Variants in ECPAS observed in about 807,000 individuals in gnomAD.
The protein encoded by ECPAS is Ecm29 proteasome adaptor and scaffold, also known as proteasome adapter and scaffold protein ECM29.
A neutral mutation model predicts 255.1 loss-of-function variants in ECPAS; 70 were observed. That is an observed-to-expected ratio of 0.27 (90% CI 0.23 to 0.33). The LOEUF is 0.33. Ranked by LOEUF, ECPAS falls within the 10% of genes least tolerant of loss-of-function variation. The pLI, the probability that ECPAS is intolerant of heterozygous loss-of-function variation, is 1.00. For synonymous variants in ECPAS, 784 were observed against 775.0 expected (o/e 1.01, Z -0.19); for missense variants, 1,817 against 2,206.4 (o/e 0.82, Z 3.54).
intron 32 of ECPAS, among the ~76,000 whole-genome samples, 160 bp downstream of exon 32, chr9:111,386,217 G>T (rs2098148267): frequency 6.6e-6 from 1 of 152,190 alleles, no homozygotes; most frequent in Non-Finnish European, 1.5e-5. Flanking sequence ...ACCCACCTCA[G>T]CCTCCCCATG....
chr9:111,479,108 TTCTC>T (rs140884302), intron 1 of ECPAS, among the ~76,000 whole-genome samples: 2,095 of 152,290 alleles, frequency 0.014, 13 homozygotes, highest in Non-Finnish European at 0.021. Flanking sequence ...AGAAGCCTGT[TTCTC>T]TCTCCATAAA....
chr9:111,386,442 C>A lies in ECPAS; in HGVS notation c.3462G>T (p.Leu1154Phe). 5.7e-6 allele frequency: 9 copies of A among 1,585,756 alleles called. No homozygotes were observed. Among genetic ancestry groups the A allele is most frequent in the Non-Finnish European group, 7.8e-6 (9 of 1,158,274 alleles). Residue 1154 changes from leucine (L) to phenylalanine (F), a missense_variant, in exon 32 of 50, where the codon TTG becomes TTT. Around this residue, in one of 4 missense-constraint regions of ECPAS, gnomAD observed 960 missense variants for 1,179.0 expected, o/e 0.81. Coordinates refer to ENST00000684092, the MANE Select transcript of ECPAS (RefSeq NM_001364929.1). ...TAACCAAATCTTGAAGAATTTCTTT[C>A]AAATATTTATCCACCTAATGAAAGC... The part of the protein sequence containing the change: ...VTDKSMVDKY[L>F]KEILQDLVKN...
chr9:111,391,924 G>T (rs2098160751), intron 28 of ECPAS, 100 bp from the exon 29 acceptor site: 1 of 835,870 alleles, frequency 1.2e-6, no homozygotes, highest in South Asian at 1.5e-5. Flanking sequence ...TTCCTATCAA[G>T]CATTTACTGT....
chr9:111,434,030 C>A (rs1242714202), intron 7 of ECPAS, among the ~76,000 whole-genome samples: 1 of 152,134 alleles, frequency 6.6e-6, no homozygotes, highest in African/African-American at 2.4e-5. Context: ...AATTTCACTA[C>A]AAATGACTCT....
intron 32 of ECPAS, among the ~76,000 whole-genome samples, 174 bp downstream of exon 32, chr9:111,386,203 A>T (rs959772283): frequency 3.9e-5 from 6 of 152,164 alleles, no homozygotes; most frequent in Non-Finnish European, 7.4e-5. Flanking sequence ...ACCTCAGGTG[A>T]TCCACCCACC....
chr9:111,452,108 A>C (rs2098261018), intron 2 of ECPAS, among the ~76,000 whole-genome samples: 1 of 152,176 alleles, frequency 6.6e-6, no homozygotes, highest in African/African-American at 2.4e-5. Flanking sequence ...GACTGTGATA[A>C]ACTTTAGACA....
chr9:111,447,485 T>C (rs894119664), intron 3 of ECPAS, among the ~76,000 whole-genome samples: 1 of 152,184 alleles, frequency 6.6e-6, no homozygotes, highest in Non-Finnish European at 1.5e-5. Flanking sequence ...TATCGGCGAA[T>C]TTCCTAAATA....
intron 48 of ECPAS, among the ~76,000 whole-genome samples, chr9:111,364,187 C>T (rs116484415): frequency 2.4e-4 from 37 of 152,200 alleles, no homozygotes; most frequent in African/African-American, 8.4e-4. Flanking sequence ...TTTGACACGG[C>T]GTCTGGTTCA....
rs544749597 is a variant in ECPAS at position 111,426,620 on chromosome 9, C to T, written c.1051-792G>A. 1.7e-3 allele frequency among the ~76,000 whole-genome samples: 258 copies of T among 151,040 alleles called. 1 individual carries two copies. Among genetic ancestry groups the T allele is most frequent in the Non-Finnish European group, 2.9e-3 (195 of 67,898 alleles). Reference sequence around the variant, plus strand: ...CCTACAGTCCCAGCTACTAGGGAGGCTAGGACGGGAGGATCACTTGAGCCC... The same window carrying T: ...CCTACAGTCCCAGCTACTAGGGAGGTTAGGACGGGAGGATCACTTGAGCCC... On this transcript the variant is annotated intron_variant, in intron 10 of 49. Transcript: ENST00000684092.
chr9:111,455,885 T>A (rs2098266352), intron 2 of ECPAS, among the ~76,000 whole-genome samples: 1 of 152,212 alleles, frequency 6.6e-6, no homozygotes, highest in South Asian at 2.1e-4. Context: ...CTTTTCCCTT[T>A]GGTGACCTTG....
rs745726803 is a variant in ECPAS at position 111,414,478 on chromosome 9, A to G, written c.1938T>C (p.Pro646=). 2 of 1,613,926 alleles carry G rather than the reference A, an allele frequency of 1.2e-6. No individual in the cohort carries two copies. Among genetic ancestry groups the G allele is most frequent in the Non-Finnish European group, 8.5e-7 (1 of 1,179,834 alleles). The change falls in exon 19 of 50, where the codon CCT becomes CCC. Residue 646 remains proline, a synonymous_variant. Coordinates refer to ENST00000684092, the MANE Select transcript of ECPAS (RefSeq NM_001364929.1). ...GAAGCAGGCCAATGTAGATCTGGACAGGGTTAGTCTCCCCACTCTTGTTAG... is the reference window on the plus strand; with the variant it reads ...GAAGCAGGCCAATGTAGATCTGGACGGGGTTAGTCTCCCCACTCTTGTTAG... ...SSSNKSGETN[P]VQIYIGLLQQ...
chr9:111,390,272 A>C (rs1254651655), intron 29 of ECPAS, among the ~76,000 whole-genome samples, 171 bp from the exon 30 acceptor site: 1 of 152,208 alleles, frequency 6.6e-6, no homozygotes, highest in Non-Finnish European at 1.5e-5. Context: ...ATAAAAAGTC[A>C]CCTAATTCAA....
At chr9:111,411,232 C>T (rs1384999755) in intron 21 of ECPAS, 90 bp from the exon 22 acceptor site, 6 of 1,296,642 alleles carry the variant, frequency 4.6e-6, no homozygotes, top group Non-Finnish European at 6.5e-6. Context: ...TTAGGATCAT[C>T]TCTCCAACAA....
chr9:111,416,350 A>G lies in ECPAS; in HGVS notation c.1686T>C (p.Ala562=). The G allele has an allele frequency of 6.2e-7, 1 of 1,613,084 alleles. No homozygotes were observed. The highest frequency in any genetic ancestry group is 2.2e-5 in the East Asian group (1 of 44,858). The change falls in exon 18 of 50, where the codon GCT becomes GCC. Residue 562 remains alanine, a splice_region_variant and synonymous_variant. Transcript: ENST00000684092. ...TGACTGGAGTTTTCATTCGATGAGA[A>G]GCCTAAGTTTAAAAAGTCCAAAACA... ...PEMVYYIQEK[A]SHRMKTPVKY...
At chr9:111,457,844 A>G (rs192480029) in intron 2 of ECPAS, among the ~76,000 whole-genome samples, 213 of 152,092 alleles carry the variant, frequency 1.4e-3, no homozygotes, top group African/African-American at 5.0e-3. Flanking sequence ...CCCTACCCCT[A>G]TAGCATTTAT....
At chr9:111,401,236 T>A (rs562691143) in intron 24 of ECPAS, among the ~76,000 whole-genome samples, 1 of 152,216 alleles carries the variant, frequency 6.6e-6, no homozygotes, top group African/African-American at 2.4e-5. Context: ...TTTTCTATTT[T>A]CCCTAAGTGT....
intron 6 of ECPAS, among the ~76,000 whole-genome samples, chr9:111,438,368 ATAAT>A (rs2098241063): frequency 6.6e-6 from 1 of 152,162 alleles, no homozygotes; most frequent in Non-Finnish European, 1.5e-5. Flanking sequence ...GCTCAGGCCT[ATAAT>A]CCCAGCATTT....
intron 39 of ECPAS, 108 bp downstream of exon 39, chr9:111,373,864 A>G (rs1475838998): frequency 3.8e-6 from 3 of 791,344 alleles, no homozygotes; most frequent in Non-Finnish European, 6.5e-6. Context: ...GAAAAGGCAC[A>G]CAGCATCACA....
Position 111,484,136 on chromosome 9 carries a change from A to T in ECPAS, c.-103T>A. On this transcript the variant is annotated 5_prime_UTR_variant, in exon 1 of 50. The change abolishes an upstream ATG in the 5' untranslated region. Transcript: ENST00000684092. ...CTGACCTGAGTCGGAGCCGGTCTCC[A>T]TGCCGCGGACGCTGCGCTCGGCGCC... 1 of 1,461,108 alleles carries T rather than the reference A, an allele frequency of 6.8e-7. No individual in the cohort carries two copies. The highest frequency in any genetic ancestry group is 9.0e-7 in the Non-Finnish European group (1 of 1,109,358). The allele number at this position is 1,461,108 out of a possible 1,614,324, so 90.5% of individuals were successfully genotyped here.
Sources: allele counts gnomAD v4.1 joint callset (sites outside exome capture counted in the v4.1 genomes callset), GRCh38; gene constraint gnomAD v4.1.1; regional missense constraint gnomAD v4.1.1; transcripts MANE v1.5; gene names NCBI Gene and HGNC (gene_info 2026-07-23, HGNC 2026-07-21).